Variants in PLCL1 observed in about 807,000 individuals in gnomAD.
PLCL1 encodes the protein inactive phospholipase C-like protein 1.
In PLCL1, 41 loss-of-function variants were observed where a neutral mutation model predicts 84.4. The observed-to-expected ratio is 0.49, with a 90% CI of 0.38 to 0.63. The LOEUF (loss-of-function observed/expected upper bound fraction) is 0.63, where lower values mean the gene tolerates loss of function less well. Ranked by LOEUF, PLCL1 falls within the 30% of genes least tolerant of loss-of-function variation. The probability of loss-of-function intolerance (pLI) is 0.00; values close to 1 mark genes in which losing one functional copy is unlikely to be tolerated. For missense variants in PLCL1, 1,206 were observed against 1,367.8 expected, an observed-to-expected ratio of 0.88 and a Z score of 1.87; for synonymous variants, 490 against 488.3, an observed-to-expected ratio of 1.00 and a Z score of -0.05.
chr2:197,926,743 T>C (rs1393333540), intron 1 of PLCL1, among the ~76,000 whole-genome samples: 2 of 152,210 alleles, frequency 1.3e-5, no homozygotes, highest in African/African-American at 4.8e-5. Flanking sequence ...TATCAGTTGC[T>C]GCAAAACAAG....
chr2:197,833,128 G>T (rs773428286), intron 1 of PLCL1, among the ~76,000 whole-genome samples: 8 of 152,036 alleles, frequency 5.3e-5, no homozygotes, highest in Non-Finnish European at 8.8e-5. Context: ...CTTGAGCCCG[G>T]GAGGCAGCTT....
At chr2:198,033,602 G>T (rs915561926) in intron 1 of PLCL1, among the ~76,000 whole-genome samples, 1 of 152,122 alleles carries the variant, frequency 6.6e-6, no homozygotes. Flanking sequence ...ACACATATGT[G>T]GTTGAATGAG....
At chr2:198,055,523 T>TG (rs1396333937) in intron 1 of PLCL1, among the ~76,000 whole-genome samples, 1 of 148,864 alleles carries the variant, frequency 6.7e-6, no homozygotes, top group Non-Finnish European at 1.5e-5. Flanking sequence ...TTTATTTTGT[T>TG]TTTTTTTTTT....
intron 1 of PLCL1, among the ~76,000 whole-genome samples, chr2:197,886,953 C>A (rs1291668502): frequency 6.6e-6 from 1 of 152,190 alleles, no homozygotes; most frequent in Non-Finnish European, 1.5e-5. Context: ...GCTGCTTTAA[C>A]ATACATTATT....
chr2:198,116,841 G>T (rs764384275), intron 5 of PLCL1, among the ~76,000 whole-genome samples: 2 of 151,844 alleles, frequency 1.3e-5, no homozygotes, highest in Non-Finnish European at 2.9e-5. Context: ...CTGCCAGGAC[G>T]AAGCTATGTG....
intron 3 of PLCL1, among the ~76,000 whole-genome samples, chr2:198,092,498 C>T (rs1470292758): frequency 6.6e-6 from 1 of 152,180 alleles, no homozygotes; most frequent in African/African-American, 2.4e-5. Context: ...AAAATCCTCT[C>T]TTCTGGCTAT....
At chr2:198,122,060 A>G (rs1036849811) in intron 5 of PLCL1, among the ~76,000 whole-genome samples, 6 of 152,096 alleles carry the variant, frequency 3.9e-5, no homozygotes, top group Non-Finnish European at 8.8e-5. Context: ...TACATTATAT[A>G]CAATTTTTAG....
At chr2:197,854,359 G>T (rs1457911914) in intron 1 of PLCL1, among the ~76,000 whole-genome samples, 1 of 152,076 alleles carries the variant, frequency 6.6e-6, no homozygotes, top group Admixed American at 6.6e-5. Context: ...ACTGAGTGAG[G>T]CTTCTCTCTG....
At chr2:197,974,309 TG>T (rs1689924840) in intron 1 of PLCL1, among the ~76,000 whole-genome samples, 1 of 152,218 alleles carries the variant, frequency 6.6e-6, no homozygotes, top group Non-Finnish European at 1.5e-5. Context: ...GATTTCAATT[TG>T]GGAACCATTG....
chr2:197,962,745 A>G (rs530196068), intron 1 of PLCL1, among the ~76,000 whole-genome samples: 7 of 151,862 alleles, frequency 4.6e-5, no homozygotes, highest in Admixed American at 4.6e-4. Context: ...TTCCCCCATT[A>G]CCTTTCCCAG....
intron 1 of PLCL1, among the ~76,000 whole-genome samples, chr2:197,950,893 ATC>A (rs1332352218): frequency 1.3e-5 from 2 of 152,134 alleles, no homozygotes; most frequent in East Asian, 3.9e-4. Flanking sequence ...TGCTTAGGTT[ATC>A]TGAGGCCAGA....
intron 1 of PLCL1, among the ~76,000 whole-genome samples, chr2:197,891,272 C>T (rs1208011789): frequency 1.3e-5 from 2 of 152,108 alleles, no homozygotes; most frequent in Non-Finnish European, 2.9e-5. Context: ...GATGGAGTGA[C>T]CCCTTCTGTG....
chr2:197,872,211 C>T (rs1473369792), intron 1 of PLCL1, among the ~76,000 whole-genome samples: 3 of 152,086 alleles, frequency 2.0e-5, no homozygotes, highest in Non-Finnish European at 4.4e-5. Flanking sequence ...CCTCTGGTGA[C>T]CTTAATTTAC....
chr2:198,042,511 G>C (rs1024043104), intron 1 of PLCL1, among the ~76,000 whole-genome samples: 50 of 152,160 alleles, frequency 3.3e-4, no homozygotes, highest in African/African-American at 1.2e-3. Context: ...GGAATAGGAA[G>C]GAAGGCAGAC....
At chr2:197,907,867 T>A (rs1688414483) in intron 1 of PLCL1, among the ~76,000 whole-genome samples, 1 of 152,174 alleles carries the variant, frequency 6.6e-6, no homozygotes, top group Non-Finnish European at 1.5e-5. Flanking sequence ...TGTATTTAAT[T>A]GGTCTGGGGC....
At chr2:197,925,056 T>G (rs1304024589) in intron 1 of PLCL1, among the ~76,000 whole-genome samples, 1 of 152,106 alleles carries the variant, frequency 6.6e-6, no homozygotes, top group African/African-American at 2.4e-5. Flanking sequence ...TAAGAATCAG[T>G]TTTTTACTTT....
rs539079147 is a variant in PLCL1 at position 197,805,997 on chromosome 2, G to A, written c.240+658G>A. 3.9e-5 allele frequency among the ~76,000 whole-genome samples: 6 copies of A among 152,304 alleles called. No homozygotes were observed. The South Asian group carries it at 1.2e-3, about 32-fold the overall frequency. On this transcript the variant is annotated intron_variant, in intron 1 of 5. Coordinates refer to ENST00000428675, the MANE Select transcript of PLCL1 (RefSeq NM_006226.4). The surrounding 1 kb of genome is among the most constrained non-coding windows in gnomAD (Gnocchi z 4.0). ...TTCCTGACCCGCTAATCACCTCACA[G>A]AATTTCTCTCCATCCATTTGGCAAG...
chr2:197,993,434 A>G (rs1287271891), intron 1 of PLCL1, among the ~76,000 whole-genome samples: 1 of 152,152 alleles, frequency 6.6e-6, no homozygotes, highest in Non-Finnish European at 1.5e-5. Context: ...GTGCTCCATC[A>G]TCAGGGTCAG....
intron 1 of PLCL1, among the ~76,000 whole-genome samples, chr2:197,871,063 A>G (rs1687643193): frequency 6.6e-6 from 1 of 152,112 alleles, no homozygotes; most frequent in African/African-American, 2.4e-5. Context: ...AGAGGCAGAG[A>G]TACTTCCTGG....
Sources: gnomAD v4.1 joint callset for allele counts (sites outside exome capture counted in the v4.1 genomes callset) on GRCh38, gnomAD v4.1.1 for gene constraint, Gnocchi (gnomAD v3.1) non-coding constraint, MANE v1.5 for transcripts, NCBI Gene and HGNC (gene_info 2026-07-23, HGNC 2026-07-21) for gene names.